The following GLIS3 variants were observed in gnomAD, a reference collection of about 807,000 sequenced individuals.
GLIS3 encodes the protein zinc finger protein GLIS3.
Under a neutral mutation model 78.6 loss-of-function variants are expected in GLIS3, and 53 were observed. The observed-to-expected ratio is 0.67, with a 90% CI of 0.54 to 0.85. The LOEUF (loss-of-function observed/expected upper bound fraction) is 0.85. Among genes scored for constraint, GLIS3 ranks in the 40% least tolerant of loss-of-function variants. The pLI, the probability that GLIS3 is intolerant of heterozygous loss-of-function variation, is 0.00. For missense variants in GLIS3, 1,703 were observed against 1,231.1 expected, an observed-to-expected ratio of 1.38 and a Z score of -5.74; for synonymous variants, 684 against 509.9, an observed-to-expected ratio of 1.34 and a Z score of -4.60.
At position 3,829,339 on chromosome 9, in the gene GLIS3, C is replaced by T; in HGVS notation, c.2627G>A (p.Arg876Lys). The T allele has an allele frequency of 6.2e-7, 1 of 1,613,922 alleles. No individual in the cohort carries two copies. Among genetic ancestry groups the T allele is most frequent in the Non-Finnish European group, 8.5e-7 (1 of 1,179,994 alleles). ...MGQASFDVFH[R>K]AFSTHSGITV... ...AATGCCCGAGTGAGTCGAGAAGGCT[C>T]TGTGGAAAACATCAAAACTGGCCTG... The change falls in exon 10 of 11, where the codon AGA (arginine) becomes AAA (lysine). Residue 876 changes from arginine (R) to lysine (K), a missense_variant. Coordinates refer to ENST00000381971, the MANE Select transcript of GLIS3 (RefSeq NM_001042413.2).
chr9:4,354,467 C>G, the GLIS3 span, among the ~76,000 whole-genome samples: 2 of 152,140 alleles, frequency 1.3e-5, no homozygotes, highest in African/African-American at 4.8e-5. Flanking sequence ...GAATTATACA[C>G]TACATCCCAG....
At chr9:4,129,896 G>T (rs190214887) in intron 2 of GLIS3, among the ~76,000 whole-genome samples, 1 of 152,164 alleles carries the variant, frequency 6.6e-6, no homozygotes, top group Non-Finnish European at 1.5e-5. Flanking sequence ...GAGACTGCCC[G>T]AATTATGACC....
At chr9:4,249,991 C>G (rs1824200429) in intron 2 of GLIS3, among the ~76,000 whole-genome samples, 1 of 152,150 alleles carries the variant, frequency 6.6e-6, no homozygotes, top group African/African-American at 2.4e-5. Context: ...GGTGGATAAG[C>G]TTTTTGATGT....
the GLIS3 span, among the ~76,000 whole-genome samples, chr9:4,445,042 T>G: frequency 3.3e-5 from 5 of 152,142 alleles, no homozygotes; most frequent in Non-Finnish European, 5.9e-5. Flanking sequence ...TTGGTTGCAT[T>G]TCATTATTTT....
intron 9 of GLIS3, among the ~76,000 whole-genome samples, chr9:3,840,403 C>T (rs1318631780): frequency 3.3e-5 from 5 of 152,114 alleles, no homozygotes; most frequent in Admixed American, 3.3e-4. Context: ...TAAGCATCCT[C>T]CTGGAAGAGG....
At chr9:4,094,542 G>C (rs1829787702) in intron 4 of GLIS3, among the ~76,000 whole-genome samples, 1 of 152,128 alleles carries the variant, frequency 6.6e-6, no homozygotes, top group Non-Finnish European at 1.5e-5. Flanking sequence ...CCTATAACAG[G>C]AATGTTCCGT....
chr9:4,098,368 G>A (rs1830120809), intron 4 of GLIS3, among the ~76,000 whole-genome samples: 11 of 152,122 alleles, frequency 7.2e-5, no homozygotes, highest in Admixed American at 7.2e-4. Flanking sequence ...AATGAATGGA[G>A]GAGTAGAAGA....
At chr9:3,958,852 G>C (rs1342699839) in intron 4 of GLIS3, among the ~76,000 whole-genome samples, 1 of 152,210 alleles carries the variant, frequency 6.6e-6, no homozygotes, top group Non-Finnish European at 1.5e-5. Flanking sequence ...AATAATACTG[G>C]CTAAAGCCCA....
At chr9:4,340,973 G>A (rs1293481588) in intron 2 of GLIS3, among the ~76,000 whole-genome samples, 1 of 152,126 alleles carries the variant, frequency 6.6e-6, no homozygotes, top group Non-Finnish European at 1.5e-5. Flanking sequence ...CACCGTGCCT[G>A]GCCTCACCTG....
At chr9:4,447,174 A>G in the GLIS3 span, among the ~76,000 whole-genome samples, 5 of 152,092 alleles carry the variant, frequency 3.3e-5, no homozygotes, top group African/African-American at 1.2e-4. Flanking sequence ...TAGCCTCCCA[A>G]GTAGCTGGGA....
chr9:4,186,749 G>C (rs1464416436), intron 2 of GLIS3, among the ~76,000 whole-genome samples: 1 of 152,172 alleles, frequency 6.6e-6, no homozygotes, highest in Non-Finnish European at 1.5e-5. Flanking sequence ...CTGATGGCCA[G>C]TGATGATGAG....
In GLIS3 at chr9:4,154,665, C is replaced by G. The variant is rs186198088; in HGVS notation, c.389-28724G>C. Among the ~76,000 whole-genome samples, 71 of 152,178 alleles carry G rather than the reference C, an allele frequency of 4.7e-4. 1 individual carries two copies. Among genetic ancestry groups the G allele is most frequent in the African/African-American group, 1.6e-3 (66 of 41,508 alleles). ...GGGCCTAACCAATTCACAAAATAAT[C>G]TAGTAGATAAGACATAAAATGAACA... On this transcript the variant is annotated intron_variant, in intron 2 of 10. Coordinates refer to ENST00000381971, the MANE Select transcript of GLIS3 (RefSeq NM_001042413.2).
chr9:4,284,023 G>A (rs554746748), intron 2 of GLIS3, among the ~76,000 whole-genome samples: 4 of 152,210 alleles, frequency 2.6e-5, no homozygotes, highest in African/African-American at 7.2e-5. Flanking sequence ...ATTTCAAGGT[G>A]TATCAACCCT....
At chr9:3,955,133 C>G (rs1355682139) in intron 4 of GLIS3, among the ~76,000 whole-genome samples, 1 of 152,244 alleles carries the variant, frequency 6.6e-6, no homozygotes, top group East Asian at 1.9e-4. Flanking sequence ...ACCTGGGGAA[C>G]AGAGCCGTAA....
chr9:3,898,466 A>C, intron 7 of GLIS3: 1 of 579,836 alleles, frequency 1.7e-6, no homozygotes, highest in Non-Finnish European at 3.1e-6. Flanking sequence ...GTCCATAACT[A>C]AAAGAGGTAA....
chr9:4,453,862 G>A, the GLIS3 span, among the ~76,000 whole-genome samples: 3 of 152,212 alleles, frequency 2.0e-5, no homozygotes, highest in Admixed American at 6.5e-5. Flanking sequence ...GTGGGAGGAA[G>A]GGGAGGGATA....
chr9:4,275,520 G>A (rs976530031), intron 2 of GLIS3, among the ~76,000 whole-genome samples: 1 of 151,898 alleles, frequency 6.6e-6, no homozygotes, highest in East Asian at 1.9e-4. Context: ...AGCACTTTGG[G>A]AGGCCGAGGT....
intron 4 of GLIS3, among the ~76,000 whole-genome samples, chr9:4,012,648 G>C (rs1016247531): frequency 2.6e-5 from 4 of 151,798 alleles, no homozygotes; most frequent in African/African-American, 9.7e-5. Flanking sequence ...GTTCTTTTAT[G>C]AGCTGCCAGG....
At chr9:4,403,732 A>C in the GLIS3 span, among the ~76,000 whole-genome samples, 1 of 152,188 alleles carries the variant, frequency 6.6e-6, no homozygotes, top group Non-Finnish European at 1.5e-5. Flanking sequence ...TAAACACAAA[A>C]TAAAAAGCAA....
Sources: gnomAD v4.1 joint callset for allele counts (sites outside exome capture counted in the v4.1 genomes callset) on GRCh38, gnomAD v4.1.1 for gene constraint, MANE v1.5 for transcripts, NCBI Gene and HGNC (gene_info 2026-07-23, HGNC 2026-07-21) for gene names.